ACTR3C: variants seen among roughly 807,000 people sequenced by gnomAD.
ACTR3C encodes actin related protein 3C.
In ACTR3C, 18 loss-of-function variants were observed where a neutral mutation model predicts 26.3. The observed-to-expected ratio is 0.68, with a 90% CI of 0.47 to 1.01. The LOEUF (loss-of-function observed/expected upper bound fraction) is 1.01, where lower values mean the gene tolerates loss of function less well. ACTR3C is among the 50% of genes least tolerant of loss of function. The pLI is 0.00. For missense variants in ACTR3C, 184 were observed against 250.7 expected, an observed-to-expected ratio of 0.73 and a Z score of 1.80; for synonymous variants, 55 against 94.5, an observed-to-expected ratio of 0.58 and a Z score of 2.42.
chr7:150,190,301 A>G, the ACTR3C span, among the ~76,000 whole-genome samples: 4 of 152,184 alleles, frequency 2.6e-5, no homozygotes, highest in African/African-American at 9.7e-5. Context: ...ACATGTCTAG[A>G]GTCCTTTGTC....
At chr7:150,130,346 A>G in the ACTR3C span, among the ~76,000 whole-genome samples, 1 of 152,204 alleles carries the variant, frequency 6.6e-6, no homozygotes, top group South Asian at 2.1e-4. Context: ...TAAAAGACTC[A>G]GCTCTTCAAA....
At chr7:150,148,992 G>A in the ACTR3C span, among the ~76,000 whole-genome samples, 1 of 149,512 alleles carries the variant, frequency 6.7e-6, no homozygotes, top group South Asian at 2.1e-4. Flanking sequence ...AGTGTCACAT[G>A]CTGCCACTTT....
chr7:149,971,592 G>A, the ACTR3C span, among the ~76,000 whole-genome samples: 1 of 152,288 alleles, frequency 6.6e-6, no homozygotes, highest in South Asian at 2.1e-4. Context: ...AGAAATGTAG[G>A]CGGTATATAA....
At chr7:150,291,246 T>C (rs1301716418) in intron 3 of ACTR3C, among the ~76,000 whole-genome samples, 1 of 152,090 alleles carries the variant, frequency 6.6e-6, no homozygotes, top group Non-Finnish European at 1.5e-5. Flanking sequence ...GCCTGACCAA[T>C]ATGGAGAAAC....
At chr7:150,191,247 G>A in the ACTR3C span, among the ~76,000 whole-genome samples, 2 of 152,226 alleles carry the variant, frequency 1.3e-5, no homozygotes, top group African/African-American at 4.8e-5. Flanking sequence ...GTCAGTATCT[G>A]TAAAAATCAC....
At chr7:149,909,052 G>A in the ACTR3C span, among the ~76,000 whole-genome samples, 1 of 151,344 alleles carries the variant, frequency 6.6e-6, no homozygotes, top group Admixed American at 6.6e-5. Context: ...AAAGTGCTGC[G>A]ATTACATGCG....
chr7:150,048,976 C>T, the ACTR3C span, among the ~76,000 whole-genome samples: 4 of 152,148 alleles, frequency 2.6e-5, no homozygotes, highest in African/African-American at 7.2e-5. Context: ...ACTCCATTCT[C>T]ATTATCATGA....
the ACTR3C span, among the ~76,000 whole-genome samples, chr7:149,901,877 C>T: frequency 3.2e-5 from 4 of 126,634 alleles, no homozygotes; most frequent in Non-Finnish European, 6.3e-5. Flanking sequence ...TGCCACTGTA[C>T]TCCAGCCTGG....
chr7:149,956,386 ATC>A, the ACTR3C span, among the ~76,000 whole-genome samples: 204 of 152,040 alleles, frequency 1.3e-3, no homozygotes, highest in African/African-American at 4.6e-3. Context: ...GTGAGACCTC[ATC>A]TCTCTTTTTA....
intron 1 of ACTR3C, 177 bp downstream of exon 1, chr7:150,323,292 G>A (rs1962004): frequency 0.22 from 57,032 of 258,264 alleles, 7,364 homozygotes; most frequent in East Asian, 0.29. Context: ...GTAACCCCTG[G>A]CGCATCCCGG....
At chr7:150,164,485 A>T in the ACTR3C span, among the ~76,000 whole-genome samples, 1 of 148,208 alleles carries the variant, frequency 6.7e-6, no homozygotes, top group Non-Finnish European at 1.5e-5. Context: ...TCAATGAGTG[A>T]CACAAGTTTC....
chr7:149,934,861 A>T, the ACTR3C span, among the ~76,000 whole-genome samples: 1 of 102,310 alleles, frequency 9.8e-6, no homozygotes, highest in African/African-American at 3.9e-5. Context: ...CAAAATATAG[A>T]TATTTATAAT....
At chr7:150,095,635 T>C in the ACTR3C span, among the ~76,000 whole-genome samples, 1 of 150,258 alleles carries the variant, frequency 6.7e-6, no homozygotes, top group African/African-American at 2.5e-5. Context: ...TTTTTTTTTT[T>C]TTCAGGTCTG....
downstream of ACTR3C, among the ~76,000 whole-genome samples, chr7:150,240,901 G>T (rs76261648): frequency 3.9e-5 from 6 of 151,916 alleles, no homozygotes; most frequent in African/African-American, 1.5e-4. Context: ...TTATCTATAC[G>T]CTAGCAATGA....
the ACTR3C span, among the ~76,000 whole-genome samples, chr7:150,067,802 G>A: frequency 5.4e-5 from 8 of 148,382 alleles, 1 homozygote; most frequent in South Asian, 1.6e-3. Flanking sequence ...GTGGTGGGGG[G>A]GGATGGGGGA....
chr7:149,969,269 CTGTGTG>C, the ACTR3C span, among the ~76,000 whole-genome samples: 2,297 of 141,220 alleles, frequency 0.016, 47 homozygotes, highest in African/African-American at 0.043. Flanking sequence ...TCAGAAAGAG[CTGTGTG>C]TGTGTGTGTG....
the ACTR3C span, among the ~76,000 whole-genome samples, chr7:150,171,763 C>T: frequency 6.7e-6 from 1 of 149,146 alleles, no homozygotes; most frequent in Non-Finnish European, 1.5e-5. Flanking sequence ...ATAGGTAAGA[C>T]ACAGCTTACA....
the ACTR3C span, among the ~76,000 whole-genome samples, chr7:150,059,113 C>T: frequency 1.3e-5 from 2 of 152,198 alleles, no homozygotes; most frequent in Non-Finnish European, 2.9e-5. Context: ...GTAGGACATA[C>T]TGCACACCTG....
the ACTR3C span, among the ~76,000 whole-genome samples, chr7:150,157,149 A>G: frequency 6.9e-6 from 1 of 145,046 alleles, no homozygotes; most frequent in East Asian, 2.1e-4. Flanking sequence ...TATGGCATCA[A>G]GTCGGTGAAC....
Sources: gnomAD v4.1 joint callset for allele counts (sites outside exome capture counted in the v4.1 genomes callset) on GRCh38, gnomAD v4.1.1 for gene constraint, MANE v1.5 for transcripts, NCBI Gene and HGNC (gene_info 2026-07-23, HGNC 2026-07-21) for gene names.